The following PHKB variants were observed in gnomAD, a reference collection of about 807,000 sequenced individuals.
PHKB encodes phosphorylase kinase regulatory subunit beta.
Under a neutral mutation model 152.1 loss-of-function variants are expected in PHKB, and 122 were observed. The observed-to-expected ratio is 0.80, with a 90% CI of 0.69 to 0.93. PHKB has a LOEUF of 0.93. Among genes scored for constraint, PHKB ranks in the 40% least tolerant of loss-of-function variants. The probability of loss-of-function intolerance (pLI) is 0.00; values close to 1 mark genes in which losing one functional copy is unlikely to be tolerated. For synonymous variants in PHKB, 436 were observed against 464.9 expected (o/e 0.94, Z 0.80); for missense variants, 1,304 against 1,328.4 (o/e 0.98, Z 0.29).
chr16:47,584,732 C>T (rs555748670), intron 8 of PHKB, among the ~76,000 whole-genome samples: 2 of 152,226 alleles, frequency 1.3e-5, no homozygotes, highest in East Asian at 1.9e-4. Flanking sequence ...CATAGTTTTG[C>T]GGTGTGGTTT....
chr16:47,579,935 A>G (rs1289360457), intron 7 of PHKB, among the ~76,000 whole-genome samples: 1 of 152,146 alleles, frequency 6.6e-6, no homozygotes, highest in East Asian at 1.9e-4. Flanking sequence ...ATCTGAACTA[A>G]TGATTTCCTG....
At chr16:47,539,112 C>T (rs892920171) in intron 6 of PHKB, among the ~76,000 whole-genome samples, 2 of 152,180 alleles carry the variant, frequency 1.3e-5, no homozygotes, top group African/African-American at 4.8e-5. Context: ...ACTAAGAATT[C>T]ACCATAATCT....
At chr16:47,579,911 G>A (rs1254190577) in intron 7 of PHKB, among the ~76,000 whole-genome samples, 4 of 152,114 alleles carry the variant, frequency 2.6e-5, no homozygotes, top group Non-Finnish European at 5.9e-5. Context: ...TGTCAGAAAA[G>A]CTCCATTACA....
intron 1 of PHKB, among the ~76,000 whole-genome samples, chr16:47,487,605 C>T (rs561089103): frequency 1.3e-5 from 2 of 152,218 alleles, no homozygotes; most frequent in South Asian, 2.1e-4. Flanking sequence ...ACCCTTCCAC[C>T]CTCAAAGAGG....
At chr16:47,661,291 A>G (rs538179654) in intron 22 of PHKB, among the ~76,000 whole-genome samples, 23 of 152,238 alleles carry the variant, frequency 1.5e-4, no homozygotes, top group African/African-American at 5.1e-4. Flanking sequence ...CCTATCATCC[A>G]TCTCTTCACA....
Position 47,485,183 on chromosome 16 carries a change from AATTT to A in PHKB, c.77-12204_77-12201del, listed in dbSNP as rs370834183. 4.2e-3 allele frequency among the ~76,000 whole-genome samples: 636 copies of A among 152,268 alleles called. 6 individuals are homozygous for A. The highest frequency in any genetic ancestry group is 0.015 in the African/African-American group (606 of 41,560). On this transcript the variant is annotated intron_variant, in intron 1 of 30. Coordinates refer to ENST00000323584, the MANE Select transcript of PHKB (RefSeq NM_000293.3). ...ATACTTCATTGAATGAAGGTGTCAT[AATTT>A]ATTTATTTATTCCTCCATTGAGAGC... is the stretch of plus-strand genomic sequence containing the variant.
intron 16 of PHKB, among the ~76,000 whole-genome samples, chr16:47,647,883 T>G (rs965226399): frequency 6.6e-6 from 1 of 152,206 alleles, no homozygotes; most frequent in Non-Finnish European, 1.5e-5. Context: ...TATGTAAATA[T>G]ACACACATAT....
chr16:47,557,889 T>C (rs1971405058), intron 7 of PHKB, among the ~76,000 whole-genome samples: 1 of 152,208 alleles, frequency 6.6e-6, no homozygotes, highest in Non-Finnish European at 1.5e-5. Flanking sequence ...ACTGGGTATA[T>C]TCCCAAGGAA....
At chr16:47,461,311 C>A (rs374935499), upstream of PHKB, 41 of 1,510,812 alleles carry the variant, frequency 2.7e-5, no homozygotes, top group East Asian at 4.8e-4. Flanking sequence ...TGCTGACAGG[C>A]GGCCCCGGGG....
intron 7 of PHKB, among the ~76,000 whole-genome samples, chr16:47,551,569 G>C (rs540274598): frequency 1.6e-4 from 24 of 152,310 alleles, no homozygotes; most frequent in Middle Eastern, 3.4e-3. Flanking sequence ...TTGCACTGTG[G>C]TTTGAGAGAC....
intron 25 of PHKB, chr16:47,666,114 A>T: frequency 1.1e-6 from 1 of 944,070 alleles, no homozygotes. Flanking sequence ...AGTCTGGCAA[A>T]CCTCAATGTC....
At chr16:47,531,223 C>T (rs1462561490) in intron 6 of PHKB, among the ~76,000 whole-genome samples, 1 of 152,126 alleles carries the variant, frequency 6.6e-6, no homozygotes, top group Non-Finnish European at 1.5e-5. Context: ...AGGGTGACCT[C>T]TTCAATAAAT....
At chr16:47,537,215 T>A (rs973568222) in intron 6 of PHKB, among the ~76,000 whole-genome samples, 9 of 152,226 alleles carry the variant, frequency 5.9e-5, no homozygotes, top group African/African-American at 2.2e-4. Context: ...ATTGCAACAA[T>A]TCAAAAGATC....
chr16:47,530,006 TC>T lies in PHKB; in HGVS notation c.594+14406del, dbSNP rs1970833731. Reference sequence around the variant, plus strand: ...TTCATCACCTATTCATGAAAAGCATTCTAATAAAATGGAATTTTCTTAATCT... The same window carrying T: ...TTCATCACCTATTCATGAAAAGCATTTAATAAAATGGAATTTTCTTAATCT... On this transcript the variant is annotated intron_variant, in intron 6 of 30. Coordinates refer to ENST00000323584, the MANE Select transcript of PHKB (RefSeq NM_000293.3). 2.0e-5 allele frequency: 3 copies of T among 152,158 alleles called. No individual in the cohort carries two copies. In the South Asian group the frequency reaches 6.2e-4, roughly 32 times the overall value. 9.4% of individuals were successfully genotyped at this position (152,158 alleles called of 1,614,324 possible).
intron 13 of PHKB, among the ~76,000 whole-genome samples, chr16:47,606,610 A>G (rs889661574): frequency 6.6e-6 from 1 of 152,230 alleles, no homozygotes; most frequent in African/African-American, 2.4e-5. Flanking sequence ...ATAACTTTAC[A>G]GATGCGGACT....
chr16:47,653,429 A>G (rs1446076144), intron 20 of PHKB, among the ~76,000 whole-genome samples: 2 of 152,222 alleles, frequency 1.3e-5, no homozygotes, highest in Admixed American at 6.5e-5. Context: ...TTTTGGACCC[A>G]GTCTTCCTAT....
At chr16:47,606,616 G>A (rs1466223279) in intron 13 of PHKB, among the ~76,000 whole-genome samples, 4 of 152,200 alleles carry the variant, frequency 2.6e-5, no homozygotes, top group East Asian at 1.9e-4. Flanking sequence ...TTACAGATGC[G>A]GACTTGCTGG....
chr16:47,517,877 A>G (rs554050887), intron 6 of PHKB, among the ~76,000 whole-genome samples: 1 of 152,332 alleles, frequency 6.6e-6, no homozygotes, highest in African/African-American at 2.4e-5. Flanking sequence ...ATCCTAGAGT[A>G]ATAAAACATG....
chr16:47,515,931 CTTT>C (rs753864226), intron 6 of PHKB, among the ~76,000 whole-genome samples: 4 of 140,306 alleles, frequency 2.9e-5, no homozygotes. Context: ...CAATTATTGT[CTTT>C]TTTTTTTTTT....
Sources: allele counts gnomAD v4.1 joint callset (sites outside exome capture counted in the v4.1 genomes callset), GRCh38; gene constraint gnomAD v4.1.1; transcripts MANE v1.5; gene names NCBI Gene and HGNC (gene_info 2026-07-23, HGNC 2026-07-21).